Variants in ZSCAN31 observed in about 807,000 individuals in gnomAD.
The protein encoded by ZSCAN31 is zinc finger and SCAN domain-containing protein 31.
A neutral mutation model predicts 22.5 loss-of-function variants in ZSCAN31; 14 were observed. That is an observed-to-expected ratio of 0.62 (90% confidence interval 0.41 to 0.97). ZSCAN31 has a LOEUF of 0.97. Among genes scored for constraint, ZSCAN31 ranks in the 50% least tolerant of loss-of-function variants. The probability of loss-of-function intolerance (pLI) is 0.00; values close to 1 mark genes in which losing one functional copy is unlikely to be tolerated. For synonymous variants in ZSCAN31, 168 were observed against 169.8 expected (o/e 0.99, Z 0.08); for missense variants, 424 against 483.4 (o/e 0.88, Z 1.15).
intron 1 of ZSCAN31, 51 bp from the exon 2 acceptor site, chr6:28,329,829 G>T: frequency 1.1e-6 from 1 of 944,484 alleles, no homozygotes; most frequent in Non-Finnish European, 1.5e-6. Flanking sequence ...AAGTAGTGGG[G>T]AAAAAAGCAA....
intron 3 of ZSCAN31, among the ~76,000 whole-genome samples, chr6:28,341,477 G>A (rs1026924559): frequency 2.0e-5 from 3 of 152,090 alleles, no homozygotes; most frequent in African/African-American, 7.2e-5. Context: ...CATTCATGAG[G>A]GCAGAACTCT....
In ZSCAN31 at chr6:28,329,443, G is replaced by C; in HGVS notation, c.241C>G (p.Leu81Val). ...GTCAGGAATTGCTCCAGCACCAGCAGCTCCAAGATTTGCTCTTTGGTGTGG... is the reference window on the plus strand; with the variant it reads ...GTCAGGAATTGCTCCAGCACCAGCACCTCCAAGATTTGCTCTTTGGTGTGG... ...EIHTKEQILE[L>V]LVLEQFLTIL... Residue 81 changes from leucine (L) to valine (V), a missense_variant, in exon 2 of 4, where the codon CTG (leucine) becomes GTG (valine). Leu to Val is a conservative substitution (Grantham distance 32, BLOSUM62 1). Coordinates refer to ENST00000344279, the MANE Select transcript of ZSCAN31 (RefSeq NM_030899.5). The C allele has an allele frequency of 6.2e-7, 1 of 1,614,218 alleles. No homozygotes were observed. Among genetic ancestry groups the C allele is most frequent in the South Asian group, 1.1e-5 (1 of 91,088 alleles).
intron 2 of ZSCAN31, chr6:28,353,846 T>C (rs780660536): frequency 4.4e-6 from 2 of 457,036 alleles, no homozygotes; most frequent in Admixed American, 2.3e-5. Flanking sequence ...TTAGCCAACA[T>C]GTATATGGTA....
At position 28,327,431 on chromosome 6, in the gene ZSCAN31, T is replaced by C; in HGVS notation, c.484A>G (p.Thr162Ala). 2 of 1,614,090 alleles carry C rather than the reference T, an allele frequency of 1.2e-6. No individual in the cohort carries two copies. The highest frequency in any genetic ancestry group is 1.7e-6 in the Non-Finnish European group (2 of 1,180,012). The change falls in exon 3 of 4, where the codon ACA becomes GCA. Residue 162 changes from threonine (T) to alanine (A), a missense_variant. Physicochemically the swap from Thr to Ala is moderately conservative, Grantham distance 58. Coordinates refer to ENST00000344279, the MANE Select transcript of ZSCAN31 (RefSeq NM_030899.5). ...CAAAAAGATTCATATCTGAGCTGTG[T>C]CACCATAGGCTGAAGCTGTATGTCT... ...PTDIQLQPMV[T>A]QLRYESFCLH...
chr6:28,342,787 C>CG, intron 2 of ZSCAN31, among the ~76,000 whole-genome samples: 1 of 152,344 alleles, frequency 6.6e-6, no homozygotes, highest in Non-Finnish European at 1.5e-5. Context: ...TAAAACATCT[C>CG]AAGTCCTTCT....
At position 28,353,971 on chromosome 6, in the gene ZSCAN31, T is replaced by C. The variant is rs552617709; in HGVS notation, c.-461-19A>G. 411 of 454,718 alleles carry C rather than the reference T, an allele frequency of 9.0e-4. 3 individuals are homozygous for C. Among genetic ancestry groups the C allele is most frequent in the African/African-American group, 7.3e-3 (365 of 50,108 alleles). The allele number at this position is 454,718 out of a possible 1,614,324, so 28.2% of individuals were successfully genotyped here. ...CTCGGGGCTGTAGGCAGGTAAAATATGATTTTATTCAGCAGCAGCTGCTGC... is the reference window on the plus strand; with the variant it reads ...CTCGGGGCTGTAGGCAGGTAAAATACGATTTTATTCAGCAGCAGCTGCTGC... On this transcript the variant is annotated intron_variant, in intron 1 of 7. Coordinates refer to the ZSCAN31 transcript ENST00000396838.
In ZSCAN31 at chr6:28,326,698, T is replaced by G; in HGVS notation, c.689A>C (p.Gln230Pro). The G allele has an allele frequency of 1.2e-6, 2 of 1,614,220 alleles. No individual in the cohort carries two copies. Residue 230 changes from glutamine (Q) to proline (P), a missense_variant, in exon 4 of 4, where the codon CAG (glutamine) becomes CCG (proline). Gln to Pro is a moderately conservative substitution (Grantham distance 76). Coordinates refer to ENST00000344279, the MANE Select transcript of ZSCAN31 (RefSeq NM_030899.5). ...GCGTCTCTCTCCAGTGGAATGTGCC[T>G]GCTGCTTTTCTGCCTTGCTGTCTCG... is the stretch of plus-strand genomic sequence containing the variant. Reference protein sequence around the residue: ...CKRDSKAEKQQAHSTGERRHR... With the variant: ...CKRDSKAEKQPAHSTGERRHR...
chr6:28,337,473 T>G (rs1470717735), upstream of ZSCAN31, among the ~76,000 whole-genome samples: 1 of 151,716 alleles, frequency 6.6e-6, no homozygotes, highest in African/African-American at 2.4e-5. Flanking sequence ...GTAGAGAGAG[T>G]GAGGGCCTGA....
At chr6:28,337,251 C>G (rs1225618930), upstream of ZSCAN31, among the ~76,000 whole-genome samples, 1 of 152,164 alleles carries the variant, frequency 6.6e-6, no homozygotes, top group Admixed American at 6.5e-5. Flanking sequence ...TTGGTACATC[C>G]AAAGAACTGG....
chr6:28,327,609 C>T, intron 2 of ZSCAN31, 76 bp from the exon 3 acceptor site: 1 of 1,474,682 alleles, frequency 6.8e-7, no homozygotes, highest in Non-Finnish European at 9.2e-7. Context: ...AAAGATATCA[C>T]ATGGAACTAT....
chr6:28,356,119 A>G (rs564512800), upstream of ZSCAN31: 7 of 152,336 alleles, frequency 4.6e-5, 1 homozygote, highest in East Asian at 1.2e-3. Flanking sequence ...TGGCTTGCCG[A>G]GTCCACATAT....
rs1304260346 is a variant in ZSCAN31 at position 28,349,980 on chromosome 6, A to G, written c.-371+3882T>C. 3 of 152,180 alleles carry G rather than the reference A, an allele frequency of 2.0e-5. No homozygotes were observed. Among genetic ancestry groups the G allele is most frequent in the Non-Finnish European group, 4.4e-5 (3 of 68,054 alleles). The allele number at this position is 152,180 out of a possible 1,614,324, so 9.4% of individuals were successfully genotyped here. A position where few individuals can be genotyped will look rare whatever the true frequency, so the allele number is the denominator to read the frequency against. On this transcript the variant is annotated intron_variant, in intron 2 of 7. Transcript: ENST00000396838. The surrounding 1 kb of genome is among the most constrained non-coding windows in gnomAD (Gnocchi z 4.1). ...CAAGCACTTTGTGAGTATGGGGTGA[A>G]TCGGCGTCGGCCTTCCACTGTGGGG...
chr6:28,334,095 C>G (rs1419661771), intron 1 of ZSCAN31, among the ~76,000 whole-genome samples: 1 of 152,142 alleles, frequency 6.6e-6, no homozygotes, highest in Non-Finnish European at 1.5e-5. Flanking sequence ...TTTGTAAAAG[C>G]AGTTCAGTCA....
In ZSCAN31 at chr6:28,329,728, G is replaced by T. The variant is rs1251009634; in HGVS notation, c.-45C>A. 6.5e-7 allele frequency: 1 copy of T among 1,541,796 alleles called. No individual in the cohort carries two copies. Among genetic ancestry groups the T allele is most frequent in the Non-Finnish European group, 8.7e-7 (1 of 1,148,282 alleles). The stretch of plus-strand genomic sequence containing the variant: ...GGCTTACTCTGGCTTTAAGTAAAGG[G>T]ATAACTGTGATTTAAAATTTTCTGA... On this transcript the variant is annotated 5_prime_UTR_variant, in exon 2 of 4. Coordinates refer to ENST00000344279, the MANE Select transcript of ZSCAN31 (RefSeq NM_030899.5).
intron 2 of ZSCAN31, chr6:28,353,830 A>T (rs1033349662): frequency 4.4e-6 from 2 of 457,000 alleles, no homozygotes; most frequent in Non-Finnish European, 8.8e-6. Flanking sequence ...CCAGTGAATT[A>T]TACTATTAGC....
In ZSCAN31 at chr6:28,326,349, A is replaced by G. The variant is rs1209029430; in HGVS notation, c.1038T>C (p.Thr346=). 1 of 1,614,232 alleles carries G rather than the reference A, an allele frequency of 6.2e-7. No homozygotes were observed. Among genetic ancestry groups the G allele is most frequent in the Non-Finnish European group, 8.5e-7 (1 of 1,180,032 alleles). Residue 346 remains threonine, a synonymous_variant, in exon 4 of 4, where the codon ACT becomes ACC. Transcript: ENST00000344279. The stretch of plus-strand genomic sequence containing the variant: ...CACGACACTGATAGCGCTTCTCTCC[A>G]GTGTGTATCCTCTGATGCTGAACAA... The part of the protein sequence containing the change: ...SCLVQHQRIH[T]GEKRYQCREC...
intron 2 of ZSCAN31, among the ~76,000 whole-genome samples, chr6:28,345,753 A>G (rs1764616955): frequency 6.6e-6 from 1 of 152,168 alleles, no homozygotes. Context: ...TGACCATGGG[A>G]TCCACTGGTT....
At chr6:28,343,914 A>T (rs1198760370) in intron 2 of ZSCAN31, among the ~76,000 whole-genome samples, 2 of 152,068 alleles carry the variant, frequency 1.3e-5, no homozygotes, top group African/African-American at 4.8e-5. Flanking sequence ...ATTCTTTTCC[A>T]TCCCTCTTAG....
chr6:28,336,371 A>G (rs1764167016), upstream of ZSCAN31: 1 of 152,254 alleles, frequency 6.6e-6, no homozygotes, highest in African/African-American at 2.4e-5. Context: ...ATCGAGACCC[A>G]AAACATTAGA....
Sources: gnomAD v4.1 joint callset for allele counts (sites outside exome capture counted in the v4.1 genomes callset) on GRCh38, gnomAD v4.1.1 for gene constraint, Gnocchi (gnomAD v3.1) non-coding constraint, MANE v1.5 for transcripts, NCBI Gene and HGNC (gene_info 2026-07-23, HGNC 2026-07-21) for gene names.